The following ALDOB variants were observed in gnomAD, a reference collection of about 807,000 sequenced individuals.
The protein encoded by ALDOB is aldolase, fructose-bisphosphate B.
Under a neutral mutation model 41.0 loss-of-function variants are expected in ALDOB, and 39 were observed. That is an observed-to-expected ratio of 0.95 (90% CI 0.74 to 1.24). The LOEUF (loss-of-function observed/expected upper bound fraction) is 1.24. ALDOB is among the 50% of genes most tolerant of loss of function. The pLI, the probability that ALDOB is intolerant of heterozygous loss-of-function variation, is 0.00. For missense variants in ALDOB, 530 were observed against 457.3 expected (o/e 1.16, Z -1.45); for synonymous variants, 175 against 168.8 (o/e 1.04, Z -0.28).
intron 1 of ALDOB, among the ~76,000 whole-genome samples, chr9:101,432,138 C>T (rs1188537137): frequency 6.6e-6 from 1 of 152,140 alleles, no homozygotes; most frequent in Non-Finnish European, 1.5e-5. Flanking sequence ...AGTACTCTGT[C>T]CCTTGATATA....
chr9:101,425,184 T>A, intron 7 of ALDOB, 142 bp from the exon 8 acceptor site: 1 of 1,043,076 alleles, frequency 9.6e-7, no homozygotes, highest in South Asian at 1.4e-5. Context: ...AGAAATCAGT[T>A]TGCTTTTGCT....
intron 1 of ALDOB, among the ~76,000 whole-genome samples, chr9:101,434,873 C>T (rs1190677332): frequency 6.6e-6 from 1 of 152,158 alleles, no homozygotes; most frequent in Non-Finnish European, 1.5e-5. Context: ...TGATGAATAG[C>T]AGGGTAGCAG....
intron 8 of ALDOB, among the ~76,000 whole-genome samples, chr9:101,423,393 A>G (rs1469861809): frequency 6.6e-6 from 1 of 152,232 alleles, no homozygotes; most frequent in African/African-American, 2.4e-5. Flanking sequence ...AGGAAAACTC[A>G]GGAATGAAGC....
chr9:101,429,368 A>G (rs570082345), intron 3 of ALDOB, among the ~76,000 whole-genome samples: 21 of 152,244 alleles, frequency 1.4e-4, no homozygotes, highest in South Asian at 1.2e-3. Flanking sequence ...TGTGTTGCTC[A>G]GTCTGGTCTC....
intron 8 of ALDOB, among the ~76,000 whole-genome samples, chr9:101,422,161 T>C (rs890699694): frequency 3.3e-5 from 5 of 152,188 alleles, no homozygotes; most frequent in African/African-American, 1.2e-4. Flanking sequence ...GTACCAACAA[T>C]ATTGCAGCAA....
At chr9:101,422,509 A>C (rs1206674746) in intron 8 of ALDOB, among the ~76,000 whole-genome samples, 2 of 152,214 alleles carry the variant, frequency 1.3e-5, no homozygotes, top group Non-Finnish European at 1.5e-5. Context: ...AGCATCCCTT[A>C]GGAACATGTT....
intron 1 of ALDOB, among the ~76,000 whole-genome samples, chr9:101,433,729 G>A (rs1831252259): frequency 6.6e-6 from 1 of 151,986 alleles, no homozygotes; most frequent in South Asian, 2.1e-4. Flanking sequence ...TGAAGAATGG[G>A]GTAGGGTGGA....
intron 8 of ALDOB, 67 bp downstream of exon 8, chr9:101,424,776 T>C (rs1831097632): frequency 6.3e-7 from 1 of 1,579,192 alleles, no homozygotes; most frequent in Admixed American, 1.7e-5. Flanking sequence ...ACAATGCTTC[T>C]CCGTGTTGGA....
intron 8 of ALDOB, among the ~76,000 whole-genome samples, chr9:101,423,577 A>G (rs1384517110): frequency 6.6e-6 from 1 of 152,186 alleles, no homozygotes; most frequent in Non-Finnish European, 1.5e-5. Context: ...CTCAACTGTA[A>G]TCAGTCATCA....
intron 1 of ALDOB, among the ~76,000 whole-genome samples, chr9:101,431,664 G>A (rs1411140356): frequency 6.6e-6 from 1 of 152,208 alleles, no homozygotes; most frequent in Non-Finnish European, 1.5e-5. Context: ...GTGCTCTGAA[G>A]GAGATCGTTG....
rs149377731 is a variant in ALDOB at position 101,427,766 on chromosome 9, A to G, written c.380-124T>C. On this transcript the variant is annotated intron_variant, in intron 4 of 8. Coordinates refer to ENST00000647789, the MANE Select transcript of ALDOB (RefSeq NM_000035.4). ...AATCCACTGTGCTTGAGGATTGAAAACAGCCAAGCATATCAGCATTAATCA... is the reference window on the plus strand; with the variant it reads ...AATCCACTGTGCTTGAGGATTGAAAGCAGCCAAGCATATCAGCATTAATCA... 4 of 1,160,736 alleles carry G rather than the reference A, an allele frequency of 3.4e-6. No homozygotes were observed. The African/African-American group carries it at 6.1e-5, about 18-fold the overall frequency. The allele number at this position is 1,160,736 out of a possible 1,614,324, so 71.9% of individuals were successfully genotyped here. A position where few individuals can be genotyped will look rare whatever the true frequency, so the allele number is the denominator to read the frequency against.
In ALDOB at chr9:101,429,902, G is replaced by A. The variant is rs1164829727; in HGVS notation, c.177C>T (p.Phe59=). 1 of 1,614,004 alleles carries A rather than the reference G, an allele frequency of 6.2e-7. No individual in the cohort carries two copies. Among genetic ancestry groups the A allele is most frequent in the East Asian group, 2.2e-5 (1 of 44,856 alleles). Residue 59 remains phenylalanine (F), a synonymous_variant, in exon 3 of 9, where the codon TTC becomes TTT. Transcript: ENST00000647789. Reference sequence around the variant, plus strand: ...TGTCCACAGAGAAGAGGATTTCTCGGAACTGCCGGCGGTTCTCTTCAGTGT... The same window carrying A: ...TGTCCACAGAGAAGAGGATTTCTCGAAACTGCCGGCGGTTCTCTTCAGTGT... The part of the protein sequence containing the change: ...VENTEENRRQ[F]REILFSVDSS...
rs1311298251 is a variant in ALDOB at position 101,426,563 on chromosome 9, T to G, written c.616A>C (p.Thr206Pro). 1 of 1,609,008 alleles carries G rather than the reference T, an allele frequency of 6.2e-7. No homozygotes were observed. Among genetic ancestry groups the G allele is most frequent in the Non-Finnish European group, 8.5e-7 (1 of 1,175,368 alleles). The change falls in exon 6 of 9, where the codon ACT (threonine) becomes CCT (proline). Residue 206 changes from threonine to proline, a missense_variant. By Grantham distance (38) the Thr-to-Pro change is conservative (BLOSUM62 -1). Transcript: ENST00000647789. Reference sequence around the variant, plus strand: ...TCATATTTAAAACTTACCTTCTCAGTAACATACTGGCAGTGTTCCAGGTCA... The same window carrying G: ...TCATATTTAAAACTTACCTTCTCAGGAACATACTGGCAGTGTTCCAGGTCA... ...DHDLEHCQYVTEKVLAAVYKA... is the reference protein window; with the variant it reads ...DHDLEHCQYVPEKVLAAVYKA...
Position 101,427,645 on chromosome 9 carries a change from G to A in ALDOB, c.380-3C>T. Reference sequence around the variant, plus strand: ...GCGCTCTGAGAGGCCATCAAGCCCTGCAAGTCACAAAAGAGAGAAAGGCTT... The same window carrying A: ...GCGCTCTGAGAGGCCATCAAGCCCTACAAGTCACAAAAGAGAGAAAGGCTT... On this transcript the variant is annotated splice_polypyrimidine_tract_variant and splice_region_variant and intron_variant, in intron 4 of 8. Coordinates refer to ENST00000647789, the MANE Select transcript of ALDOB (RefSeq NM_000035.4). 2 of 1,614,006 alleles carry A rather than the reference G, an allele frequency of 1.2e-6. No homozygotes were observed. The highest frequency in any genetic ancestry group is 8.5e-7 in the Non-Finnish European group (1 of 1,180,026).
intron 1 of ALDOB, among the ~76,000 whole-genome samples, chr9:101,431,568 T>C (rs1831220336): frequency 1.3e-5 from 2 of 152,176 alleles, no homozygotes; most frequent in South Asian, 4.1e-4. Context: ...TAAAGTTGTA[T>C]GGCAGTCCCT....
At chr9:101,425,073 A>C (rs1831104874) in intron 7 of ALDOB, 31 bp from the exon 8 acceptor site, 1 of 1,610,060 alleles carries the variant, frequency 6.2e-7, no homozygotes, top group African/African-American at 1.3e-5. Context: ...TCACTCTATT[A>C]GTCCCACCTT....
intron 8 of ALDOB, among the ~76,000 whole-genome samples, chr9:101,423,379 TG>T (rs1383601465): frequency 6.6e-6 from 1 of 152,234 alleles, no homozygotes; most frequent in African/African-American, 2.4e-5. Context: ...TTTAGACTGC[TG>T]TTAGGAAAAC....
In ALDOB at chr9:101,435,700, T is replaced by C. The variant is rs1831281288; in HGVS notation, c.-11+9A>G. 6.6e-6 allele frequency: 1 copy of C among 152,190 alleles called. No homozygotes were observed. Among genetic ancestry groups the C allele is most frequent in the African/African-American group, 2.4e-5 (1 of 41,444 alleles). 9.4% of individuals were successfully genotyped at this position (152,190 alleles called of 1,614,324 possible). A position where few individuals can be genotyped will look rare whatever the true frequency, so the allele number is the denominator to read the frequency against. On this transcript the variant is annotated intron_variant, in intron 1 of 8. Transcript: ENST00000647789. ...TGTCCAGGTATACAAAGGAAGCTTT[T>C]TTACTTACAGTTTGGGAGAGAAGAG... is the stretch of plus-strand genomic sequence containing the variant.
chr9:101,431,967 G>C (rs77933525), intron 1 of ALDOB, among the ~76,000 whole-genome samples: 1,815 of 152,244 alleles, frequency 0.012, 29 homozygotes, highest in African/African-American at 0.041. Flanking sequence ...GGTAATTATA[G>C]CAGGTATTAT....
Sources: gnomAD v4.1 joint callset for allele counts (sites outside exome capture counted in the v4.1 genomes callset) on GRCh38, gnomAD v4.1.1 for gene constraint, MANE v1.5 for transcripts, NCBI Gene and HGNC (gene_info 2026-07-23, HGNC 2026-07-21) for gene names.